Variants in ZBTB7C observed in about 807,000 individuals in gnomAD.
ZBTB7C encodes zinc finger and BTB domain containing 7C.
Under a neutral mutation model 25.7 loss-of-function variants are expected in ZBTB7C, and 8 were observed. The ratio of observed to expected loss-of-function variants is 0.31; its 90% CI spans 0.18 to 0.56. The LOEUF (loss-of-function observed/expected upper bound fraction) is 0.56, where lower values mean the gene tolerates loss of function less well. Among genes scored for constraint, ZBTB7C ranks in the 20% least tolerant of loss-of-function variants. ZBTB7C has a pLI of 0.91. For missense variants in ZBTB7C, 824 were observed against 855.2 expected (o/e 0.96, Z 0.46); for synonymous variants, 394 against 369.0 (o/e 1.07, Z -0.78).
intron 2 of ZBTB7C, among the ~76,000 whole-genome samples, chr18:48,293,915 G>T (rs1232908478): frequency 6.6e-6 from 1 of 152,202 alleles, no homozygotes; most frequent in Admixed American, 6.5e-5. Flanking sequence ...ACGATGCCCA[G>T]CCTTTCAACC....
At chr18:48,159,878 C>T (rs957573588) in intron 3 of ZBTB7C, among the ~76,000 whole-genome samples, 2 of 152,154 alleles carry the variant, frequency 1.3e-5, no homozygotes, top group Admixed American at 6.5e-5. Context: ...GCCTCCAGCC[C>T]CCAGAGATTC....
chr18:48,344,428 T>C (rs2046679359), intron 1 of ZBTB7C, among the ~76,000 whole-genome samples: 1 of 152,108 alleles, frequency 6.6e-6, no homozygotes, highest in African/African-American at 2.4e-5. Flanking sequence ...GGGATGCCCA[T>C]GCCACTGGTC....
intron 1 of ZBTB7C, among the ~76,000 whole-genome samples, chr18:48,356,007 A>G (rs1260518052): frequency 6.6e-6 from 1 of 152,116 alleles, no homozygotes; most frequent in Non-Finnish European, 1.5e-5. Context: ...CTAGAAATGC[A>G]CATTCTGGGG....
chr18:48,160,506 G>T (rs2040975027), intron 3 of ZBTB7C, among the ~76,000 whole-genome samples: 1 of 152,152 alleles, frequency 6.6e-6, no homozygotes, highest in African/African-American at 2.4e-5. Flanking sequence ...GGGTCTCAAG[G>T]GCCTCATCTA....
intron 3 of ZBTB7C, among the ~76,000 whole-genome samples, chr18:48,093,494 G>C (rs1208393505): frequency 6.6e-6 from 1 of 152,168 alleles, no homozygotes; most frequent in Non-Finnish European, 1.5e-5. Context: ...GGCTGAGCAA[G>C]AAAAAGTGAA....
intron 1 of ZBTB7C, among the ~76,000 whole-genome samples, chr18:48,350,851 C>T (rs968854610): frequency 1.3e-5 from 2 of 152,104 alleles, no homozygotes; most frequent in Non-Finnish European, 2.9e-5. Context: ...GTCCTGGATC[C>T]GTATATAAAA....
chr18:48,305,556 C>A (rs1293591069), intron 2 of ZBTB7C, among the ~76,000 whole-genome samples: 1 of 152,170 alleles, frequency 6.6e-6, no homozygotes, highest in African/African-American at 2.4e-5. Flanking sequence ...GGTGATACCC[C>A]TCCTGGGTGC....
chr18:48,038,537 G>A (rs1025671545), intron 4 of ZBTB7C, among the ~76,000 whole-genome samples: 50 of 151,172 alleles, frequency 3.3e-4, no homozygotes, highest in African/African-American at 1.2e-3. Context: ...CATGACTTTA[G>A]AGGACTCATC....
At chr18:48,047,079 G>C (rs2036503850) in intron 3 of ZBTB7C, among the ~76,000 whole-genome samples, 1 of 152,180 alleles carries the variant, frequency 6.6e-6, no homozygotes, top group South Asian at 2.1e-4. Flanking sequence ...GGCAGGGATT[G>C]GGAGGGGTGA....
intron 3 of ZBTB7C, chr18:48,165,276 A>G (rs1330840215): frequency 2.0e-6 from 1 of 488,974 alleles, no homozygotes; most frequent in Non-Finnish European, 3.9e-6. Context: ...AATGTTACTG[A>G]TTATTCCAGT....
chr18:48,152,193 G>A (rs2040700126), intron 3 of ZBTB7C, among the ~76,000 whole-genome samples: 1 of 152,072 alleles, frequency 6.6e-6, no homozygotes, highest in Non-Finnish European at 1.5e-5. Flanking sequence ...GTCTCTGGTG[G>A]GCTTCAGAGA....
chr18:48,110,111 A>T (rs760448024), intron 3 of ZBTB7C, among the ~76,000 whole-genome samples: 5 of 152,104 alleles, frequency 3.3e-5, no homozygotes, highest in Non-Finnish European at 4.4e-5. Flanking sequence ...ATTTATGGTG[A>T]TGATGATTAT....
intron 3 of ZBTB7C, among the ~76,000 whole-genome samples, chr18:48,099,123 G>C (rs2038743270): frequency 6.6e-6 from 1 of 152,170 alleles, no homozygotes; most frequent in Admixed American, 6.5e-5. Flanking sequence ...TGCCTCAGCT[G>C]CCTTATCAAT....
chr18:48,055,097 T>G (rs1027671308), intron 3 of ZBTB7C, among the ~76,000 whole-genome samples: 5 of 151,900 alleles, frequency 3.3e-5, no homozygotes, highest in African/African-American at 7.3e-5. Flanking sequence ...CTCAAAGAAG[T>G]AGGAACCAAT....
intron 3 of ZBTB7C, among the ~76,000 whole-genome samples, chr18:48,140,785 T>C (rs972685926): frequency 6.6e-6 from 1 of 152,128 alleles, no homozygotes; most frequent in East Asian, 1.9e-4. Context: ...CTCCCTGTCC[T>C]TCCTGGCCCC....
chr18:48,040,835 G>A lies in ZBTB7C; in HGVS notation c.273C>T (p.Phe91=), dbSNP rs757627391. ...QPEALAAILE[F]AYTSTLTITA... Reference sequence around the variant, plus strand: ...TGATGGTGAGCGTGGAGGTGTAGGCGAACTCCAGGATAGCAGCCAGAGCCT... The same window carrying A: ...TGATGGTGAGCGTGGAGGTGTAGGCAAACTCCAGGATAGCAGCCAGAGCCT... The change falls in exon 4 of 5, where the codon TTC becomes TTT. Residue 91 remains phenylalanine (F), a synonymous_variant. Coordinates refer to ENST00000590800, the MANE Select transcript of ZBTB7C (RefSeq NM_001318841.2). The A allele has an allele frequency of 6.8e-6, 11 of 1,613,980 alleles. No individual in the cohort carries two copies. Among genetic ancestry groups the A allele is most frequent in the Middle Eastern group, 1.6e-4 (1 of 6,082 alleles).
At chr18:48,146,733 TTATTTG>T (rs931843958) in intron 3 of ZBTB7C, among the ~76,000 whole-genome samples, 1 of 152,220 alleles carries the variant, frequency 6.6e-6, no homozygotes, top group Non-Finnish European at 1.5e-5. Context: ...ATGTTAAATG[TTATTTG>T]TATATTTCAG....
chr18:48,328,121 G>A (rs2046265193), intron 2 of ZBTB7C, among the ~76,000 whole-genome samples: 1 of 149,060 alleles, frequency 6.7e-6, no homozygotes, highest in South Asian at 2.1e-4. Context: ...GGTGGAGCTT[G>A]CAGTGAGCCG....
intron 2 of ZBTB7C, among the ~76,000 whole-genome samples, chr18:48,327,125 C>T (rs1403288095): frequency 1.3e-5 from 2 of 152,300 alleles, no homozygotes; most frequent in African/African-American, 4.8e-5. Flanking sequence ...GGGCAGCCTG[C>T]TCAGGCTGGT....
Sources: gnomAD v4.1 joint callset for allele counts (sites outside exome capture counted in the v4.1 genomes callset) on GRCh38, gnomAD v4.1.1 for gene constraint, MANE v1.5 for transcripts, NCBI Gene and HGNC (gene_info 2026-07-23, HGNC 2026-07-21) for gene names.